SEMA6D: variants seen among roughly 807,000 people sequenced by gnomAD.
SEMA6D encodes semaphorin 6D, also known as semaphorin-6D.
Under a neutral mutation model 106.6 loss-of-function variants are expected in SEMA6D, and 35 were observed. The observed-to-expected ratio is 0.33, with a 90% CI of 0.25 to 0.44. The LOEUF (loss-of-function observed/expected upper bound fraction) is 0.44, where lower values mean the gene tolerates loss of function less well. Ranked by LOEUF, SEMA6D falls within the 20% of genes least tolerant of loss-of-function variation. The pLI, the probability that SEMA6D is intolerant of heterozygous loss-of-function variation, is 1.00. For missense variants in SEMA6D, 1,185 were observed against 1,345.9 expected, an observed-to-expected ratio of 0.88 and a Z score of 1.87; for synonymous variants, 499 against 487.7, an observed-to-expected ratio of 1.02 and a Z score of -0.31.
At chr15:47,309,389 C>G (rs1464213978) in intron 1 of SEMA6D, among the ~76,000 whole-genome samples, 1 of 152,174 alleles carries the variant, frequency 6.6e-6, no homozygotes, top group East Asian at 1.9e-4. Context: ...ACTTAGCCAT[C>G]ATCTGGAATA....
intron 1 of SEMA6D, among the ~76,000 whole-genome samples, chr15:47,245,016 A>G (rs2124131): frequency 0.097 from 13,616 of 139,662 alleles, 1,150 homozygotes; most frequent in African/African-American, 0.23. Flanking sequence ...TGCTGCTGCA[A>G]AGGACATGAT....
intron 4 of SEMA6D, among the ~76,000 whole-genome samples, chr15:47,641,823 A>G (rs1396224130): frequency 6.6e-6 from 1 of 152,126 alleles, no homozygotes; most frequent in Admixed American, 6.5e-5. Context: ...GCCCACTGGT[A>G]TTCCTCACTC....
intron 3 of SEMA6D, among the ~76,000 whole-genome samples, chr15:47,525,645 C>T (rs954720693): frequency 1.6e-4 from 24 of 152,154 alleles, no homozygotes; most frequent in African/African-American, 5.3e-4. Context: ...TAATTGCTAT[C>T]GACTACTCAT....
intron 3 of SEMA6D, among the ~76,000 whole-genome samples, chr15:47,592,515 G>T (rs1273436297): frequency 6.6e-6 from 1 of 152,186 alleles, no homozygotes; most frequent in African/African-American, 2.4e-5. Flanking sequence ...TTTCAGTTGT[G>T]TTGAGTGTGG....
At chr15:47,297,597 C>G (rs1049883615) in intron 1 of SEMA6D, among the ~76,000 whole-genome samples, 2 of 152,246 alleles carry the variant, frequency 1.3e-5, no homozygotes, top group East Asian at 3.9e-4. Flanking sequence ...GACACTGGCC[C>G]AGGTGCTGTG....
At chr15:47,703,784 C>T (rs2078861467) in intron 4 of SEMA6D, among the ~76,000 whole-genome samples, 2 of 152,058 alleles carry the variant, frequency 1.3e-5, no homozygotes, top group Non-Finnish European at 1.5e-5. Context: ...TTTTTCAGGG[C>T]AAGGGGAGAT....
intron 3 of SEMA6D, among the ~76,000 whole-genome samples, chr15:47,577,245 G>T (rs555253225): frequency 1.1e-4 from 16 of 152,306 alleles, no homozygotes; most frequent in African/African-American, 3.9e-4. Flanking sequence ...AACAGCAAGG[G>T]TGAAGAAAGT....
At chr15:47,674,764 G>A (rs1310011493) in intron 4 of SEMA6D, among the ~76,000 whole-genome samples, 2 of 152,202 alleles carry the variant, frequency 1.3e-5, no homozygotes, top group Non-Finnish European at 2.9e-5. Context: ...AAAGAATTGT[G>A]TACATGAGGA....
chr15:47,505,025 A>G (rs775393349), intron 3 of SEMA6D, among the ~76,000 whole-genome samples: 3 of 152,138 alleles, frequency 2.0e-5, no homozygotes, highest in Non-Finnish European at 4.4e-5. Context: ...ACAAACTCAC[A>G]GAAAACAGAA....
chr15:47,280,047 G>T (rs1193545780), intron 1 of SEMA6D, among the ~76,000 whole-genome samples: 4 of 151,280 alleles, frequency 2.6e-5, no homozygotes, highest in Non-Finnish European at 4.4e-5. Context: ...CTCATAAAAT[G>T]AGTTAGGGAG....
intron 1 of SEMA6D, among the ~76,000 whole-genome samples, chr15:47,200,684 C>G (rs542905381): frequency 6.6e-6 from 1 of 152,302 alleles, no homozygotes; most frequent in East Asian, 1.9e-4. Flanking sequence ...TACAATTCCA[C>G]TATTTTACTA....
At chr15:47,509,283 A>G (rs1375996335) in intron 3 of SEMA6D, among the ~76,000 whole-genome samples, 1 of 149,866 alleles carries the variant, frequency 6.7e-6, no homozygotes, top group Non-Finnish European at 1.5e-5. Flanking sequence ...ACTGTGCCCA[A>G]ACTGGGACCT....
chr15:47,442,799 G>A (rs907130746), intron 2 of SEMA6D, among the ~76,000 whole-genome samples: 4 of 152,076 alleles, frequency 2.6e-5, no homozygotes, highest in Non-Finnish European at 5.9e-5. Context: ...CCTTTTGTGG[G>A]TGTTGATTCT....
intron 1 of SEMA6D, among the ~76,000 whole-genome samples, chr15:47,376,589 C>T (rs1171485459): frequency 1.3e-5 from 2 of 152,212 alleles, no homozygotes; most frequent in Non-Finnish European, 1.5e-5. Flanking sequence ...TAAACCCAGA[C>T]TGTTCATCTA....
At chr15:47,610,245 C>T (rs773347812) in intron 4 of SEMA6D, among the ~76,000 whole-genome samples, 26 of 152,174 alleles carry the variant, frequency 1.7e-4, no homozygotes, top group African/African-American at 4.8e-4. Context: ...GCCTAGGAAA[C>T]GTATATAAGC....
chr15:47,367,682 G>GCT (rs1163013241), intron 1 of SEMA6D, among the ~76,000 whole-genome samples: 1 of 40,504 alleles, frequency 2.5e-5, no homozygotes, highest in African/African-American at 9.6e-5. Flanking sequence ...GCTCACACGC[G>GCT]CGCGCGCGCG....
At chr15:47,254,875 T>TTTTTTGTGTG (rs1555411185) in intron 1 of SEMA6D, among the ~76,000 whole-genome samples, 25 of 134,404 alleles carry the variant, frequency 1.9e-4, no homozygotes, top group African/African-American at 6.7e-4. Flanking sequence ...ACCTGTGGTT[T>TTTTTTGTGTG]TGTGTGTGTG....
chr15:47,612,499 G>A (rs374459118), intron 4 of SEMA6D, among the ~76,000 whole-genome samples: 1 of 152,166 alleles, frequency 6.6e-6, no homozygotes, highest in South Asian at 2.1e-4. Flanking sequence ...ATGATGCCAT[G>A]AGGGCTAAGG....
At chr15:47,490,568 C>G (rs1361738479) in intron 3 of SEMA6D, among the ~76,000 whole-genome samples, 1 of 152,094 alleles carries the variant, frequency 6.6e-6, no homozygotes, top group African/African-American at 2.4e-5. Flanking sequence ...TCACTGGAAC[C>G]CAGGAGGTGG....
Sources: allele counts gnomAD v4.1 joint callset (sites outside exome capture counted in the v4.1 genomes callset), GRCh38; gene constraint gnomAD v4.1.1; transcripts MANE v1.5; gene names NCBI Gene and HGNC (gene_info 2026-07-23, HGNC 2026-07-21).